The following GPR15LG variants were observed in gnomAD, a reference collection of about 807,000 sequenced individuals.
The protein encoded by GPR15LG is protein GPR15LG.
the GPR15LG span, chr10:84,184,979 T>C: frequency 7.1e-7 from 1 of 1,400,290 alleles, no homozygotes; most frequent in Non-Finnish European, 9.2e-7. Context: ...TGAGCCAACC[T>C]CACCCCACAG....
chr10:84,184,717 A>G, the GPR15LG span: 2 of 1,613,942 alleles, frequency 1.2e-6, no homozygotes, highest in South Asian at 2.2e-5. Flanking sequence ...TGCAAGCTTG[A>G]GCCAGAGCCC....
chr10:84,180,771 T>C, the GPR15LG span, among the ~76,000 whole-genome samples: 4 of 152,056 alleles, frequency 2.6e-5, no homozygotes, highest in South Asian at 2.1e-4. Context: ...GCTGAGATCA[T>C]GCCACTGCAC....
At chr10:84,178,383 A>T in the GPR15LG span, among the ~76,000 whole-genome samples, 1 of 151,920 alleles carries the variant, frequency 6.6e-6, no homozygotes, top group Non-Finnish European at 1.5e-5. Context: ...TACCAGACAC[A>T]GACACATACA....
the GPR15LG span, among the ~76,000 whole-genome samples, chr10:84,178,651 T>TA: frequency 7.2e-5 from 11 of 151,812 alleles, no homozygotes; most frequent in African/African-American, 2.7e-4. Flanking sequence ...GATGGACAGA[T>TA]ATACACCCAA....
chr10:84,181,433 T>C, the GPR15LG span, among the ~76,000 whole-genome samples: 13 of 152,068 alleles, frequency 8.5e-5, no homozygotes, highest in African/African-American at 2.9e-4. Flanking sequence ...CTTTTTGTTG[T>C]TGTTTTTTAA....
At chr10:84,184,666 C>T in the GPR15LG span, 1 of 1,613,864 alleles carries the variant, frequency 6.2e-7, no homozygotes. Flanking sequence ...CTTGTCTACT[C>T]ATTGCTCCTC....
the GPR15LG span, among the ~76,000 whole-genome samples, chr10:84,177,061 A>AGCAT: frequency 6.6e-6 from 1 of 152,224 alleles, no homozygotes; most frequent in African/African-American, 2.4e-5. Context: ...GCAGGTCACC[A>AGCAT]GCAGGGGAGT....
the GPR15LG span, among the ~76,000 whole-genome samples, chr10:84,177,679 G>A: frequency 6.6e-6 from 1 of 152,146 alleles, no homozygotes; most frequent in Admixed American, 6.5e-5. Context: ...CACCCAGCCG[G>A]CCAGGATAAA....
At chr10:84,174,739 C>G in the GPR15LG span, among the ~76,000 whole-genome samples, 6 of 152,152 alleles carry the variant, frequency 3.9e-5, no homozygotes, top group Non-Finnish European at 8.8e-5. Context: ...ATCCTCCCAC[C>G]TCGGCCTCCC....
chr10:84,180,795 A>G, the GPR15LG span, among the ~76,000 whole-genome samples: 2 of 152,248 alleles, frequency 1.3e-5, no homozygotes, highest in South Asian at 4.1e-4. Flanking sequence ...AGCCTGGGCA[A>G]CATTGAGCAC....
the GPR15LG span, chr10:84,176,642 G>T: frequency 1.9e-6 from 2 of 1,054,828 alleles, no homozygotes; most frequent in South Asian, 1.3e-5. Context: ...CACACACACT[G>T]ATCAGCCCCC....
At chr10:84,180,708 C>G in the GPR15LG span, among the ~76,000 whole-genome samples, 73 of 152,328 alleles carry the variant, frequency 4.8e-4, 1 homozygote, top group African/African-American at 1.5e-3. Flanking sequence ...AGGCTGCAAT[C>G]TCAGCACTTT....
At chr10:84,181,816 G>A in the GPR15LG span, among the ~76,000 whole-genome samples, 1,340 of 152,334 alleles carry the variant, frequency 8.8e-3, 19 homozygotes, top group Middle Eastern at 0.031. Context: ...GGGCTGCCCA[G>A]GCTTAAGCTG....
the GPR15LG span, among the ~76,000 whole-genome samples, chr10:84,182,179 C>T: frequency 6.6e-6 from 1 of 152,092 alleles, no homozygotes; most frequent in Non-Finnish European, 1.5e-5. Context: ...TTTTCAGCAA[C>T]GATGATACCA....
At chr10:84,175,985 T>A in the GPR15LG span, among the ~76,000 whole-genome samples, 1 of 151,898 alleles carries the variant, frequency 6.6e-6, no homozygotes, top group African/African-American at 2.4e-5. Context: ...GCCTCCCGGG[T>A]TCAAGTGATT....
the GPR15LG span, chr10:84,184,724 G>A: frequency 6.2e-7 from 1 of 1,613,884 alleles, no homozygotes; most frequent in East Asian, 2.2e-5. Flanking sequence ...TTGAGCCAGA[G>A]CCCCGCCTTT....
chr10:84,180,045 G>A, the GPR15LG span, among the ~76,000 whole-genome samples: 1 of 152,174 alleles, frequency 6.6e-6, no homozygotes, highest in South Asian at 2.1e-4. Context: ...CAGTGTTTGT[G>A]TCCCTGGGTA....
At chr10:84,178,396 A>G in the GPR15LG span, among the ~76,000 whole-genome samples, 4 of 151,576 alleles carry the variant, frequency 2.6e-5, no homozygotes, top group South Asian at 2.1e-4. Flanking sequence ...CACATACACA[A>G]GTACATCTAC....
the GPR15LG span, among the ~76,000 whole-genome samples, chr10:84,181,032 G>A: frequency 3.3e-4 from 50 of 151,734 alleles, no homozygotes; most frequent in South Asian, 5.6e-3. Context: ...CCAAGACGGC[G>A]GCAGTACAGT....
Sources: gnomAD v4.1 joint callset for allele counts (sites outside exome capture counted in the v4.1 genomes callset) on GRCh38, gnomAD v4.1.1 for gene constraint, MANE v1.5 for transcripts, NCBI Gene and HGNC (gene_info 2026-07-23, HGNC 2026-07-21) for gene names.